The following JAZF1 variants were observed in gnomAD, a reference collection of about 807,000 sequenced individuals.
JAZF1 encodes the protein JAZF zinc finger 1.
In JAZF1, 8 loss-of-function variants were observed where a neutral mutation model predicts 26.4. That is an observed-to-expected ratio of 0.30 (90% confidence interval 0.18 to 0.55). JAZF1 has a LOEUF of 0.55. Among genes scored for constraint, JAZF1 ranks in the 20% least tolerant of loss-of-function variants. The pLI, the probability that JAZF1 is intolerant of heterozygous loss-of-function variation, is 0.94. For synonymous variants in JAZF1, 126 were observed against 122.3 expected (o/e 1.03, Z -0.20); for missense variants, 199 against 322.0 (o/e 0.62, Z 2.92).
intron 1 of JAZF1, among the ~76,000 whole-genome samples, chr7:28,118,630 T>G (rs1384187652): frequency 6.6e-6 from 1 of 152,264 alleles, no homozygotes. Flanking sequence ...CAAATGACTT[T>G]GTATTTCATT....
rs533863855 is a variant in JAZF1 at position 28,180,441 on chromosome 7, C to T, written c.115+22G>A. Reference sequence around the variant, plus strand: ...GGAGTTTCCGCGCGCCTGGCACCCCCGCCCACCCCCGGGCCATTTACCGAT... The same window carrying T: ...GGAGTTTCCGCGCGCCTGGCACCCCTGCCCACCCCCGGGCCATTTACCGAT... On this transcript the variant is annotated intron_variant, in intron 1 of 4. Transcript: ENST00000283928. The T allele has an allele frequency of 4.3e-4, 686 of 1,594,156 alleles. 1 individual carries two copies. The highest frequency in any genetic ancestry group is 5.5e-4 in the Non-Finnish European group (639 of 1,164,988).
In JAZF1 at chr7:27,832,485, A is replaced by G. The variant is rs552171097; in HGVS notation, c.*315T>C. On this transcript the variant is annotated 3_prime_UTR_variant, in exon 5 of 5. Coordinates refer to ENST00000283928, the MANE Select transcript of JAZF1 (RefSeq NM_175061.4). ...CTCCCCCCAGGTTGATACCACCGCA[A>G]TACAATTCAACAATATGCAACATGC... 9.6e-4 allele frequency: 238 copies of G among 248,768 alleles called. No individual in the cohort carries two copies. Among genetic ancestry groups the G allele is most frequent in the African/African-American group, 4.6e-3 (212 of 45,846 alleles). 15.4% of individuals were successfully genotyped at this position (248,768 alleles called of 1,614,324 possible).
Position 27,840,611 on chromosome 7 carries a change from G to C in JAZF1, c.555+87C>G. The C allele has an allele frequency of 7.2e-7, 1 of 1,380,332 alleles. No individual in the cohort carries two copies. The allele number at this position is 1,380,332 out of a possible 1,614,324, so 85.5% of individuals were successfully genotyped here. A position where few individuals can be genotyped will look rare whatever the true frequency, so the allele number is the denominator to read the frequency against. On this transcript the variant is annotated intron_variant, in intron 4 of 4. Transcript: ENST00000283928. The surrounding 1 kb of genome is among the most constrained non-coding windows in gnomAD (Gnocchi z 5.1). ...GTGTCTCCCCCCAGCCCATACGCTC[G>C]CTTTAAAATCAAGAAAGGGCTGCTG...
intron 1 of JAZF1, among the ~76,000 whole-genome samples, chr7:28,142,132 A>G (rs1367771302): frequency 6.6e-6 from 1 of 152,192 alleles, no homozygotes; most frequent in East Asian, 1.9e-4. Flanking sequence ...ATGTTCAAGC[A>G]TTTTTTCCCT....
At chr7:28,174,821 G>GGTGTGGGTGTGTGTGT (rs1783524704) in intron 1 of JAZF1, among the ~76,000 whole-genome samples, 1 of 107,690 alleles carries the variant, frequency 9.3e-6, no homozygotes, top group Non-Finnish European at 2.3e-5. Flanking sequence ...GGGGTGTGTG[G>GGTGTGGGTGTGTGTGT]GTGTGTGTGT....
chr7:28,049,235 A>G (rs1377394629), intron 1 of JAZF1, among the ~76,000 whole-genome samples: 1 of 151,578 alleles, frequency 6.6e-6, no homozygotes, highest in Non-Finnish European at 1.5e-5. Flanking sequence ...GGTGCCCACC[A>G]CCACAGCTGG....
intron 1 of JAZF1, among the ~76,000 whole-genome samples, chr7:28,057,310 T>C (rs1013670851): frequency 6.6e-6 from 1 of 152,212 alleles, no homozygotes; most frequent in Non-Finnish European, 1.5e-5. Context: ...TTTCAGAGAT[T>C]ATCTATTTTA....
At chr7:27,893,867 T>A (rs1412788192) in intron 3 of JAZF1, among the ~76,000 whole-genome samples, 3 of 152,144 alleles carry the variant, frequency 2.0e-5, no homozygotes, top group Non-Finnish European at 4.4e-5. Flanking sequence ...CTGGGCACGC[T>A]CTGCTCAGGG....
intron 2 of JAZF1, among the ~76,000 whole-genome samples, chr7:27,977,644 C>G (rs763896): frequency 0.34 from 51,337 of 152,058 alleles, 9,723 homozygotes; most frequent in Non-Finnish European, 0.44. Context: ...CAGCCATGGA[C>G]TCATGGAGGA....
intron 1 of JAZF1, among the ~76,000 whole-genome samples, chr7:28,083,487 G>A (rs1489136252): frequency 6.6e-6 from 1 of 152,172 alleles, no homozygotes; most frequent in Non-Finnish European, 1.5e-5. Flanking sequence ...CATGCTATGT[G>A]AACTCAGAAA....
At chr7:27,901,504 C>T (rs1447576731) in intron 2 of JAZF1, among the ~76,000 whole-genome samples, 6 of 152,218 alleles carry the variant, frequency 3.9e-5, no homozygotes, top group Admixed American at 6.5e-5. Context: ...TGCCACCTCA[C>T]TCCATGGCCA....
Position 28,045,509 on chromosome 7 carries a change from C to A in JAZF1, c.116-53528G>T, listed in dbSNP as rs145161796. Among the ~76,000 whole-genome samples, 423 of 152,108 alleles carry A rather than the reference C, an allele frequency of 2.8e-3. 3 individuals are homozygous for A. Among genetic ancestry groups the A allele is most frequent in the Admixed American group, 5.2e-3 (79 of 15,266 alleles). On this transcript the variant is annotated intron_variant, in intron 1 of 4. Coordinates refer to ENST00000283928, the MANE Select transcript of JAZF1 (RefSeq NM_175061.4). ...AAGAAACATCTATTGGTTTAGTGGG[C>A]TAGAGAGGATACACAGAATTGTTAA...
chr7:27,947,819 C>CTCA lies in JAZF1; in HGVS notation c.188+44087_188+44089dup, dbSNP rs139021114. Among the ~76,000 whole-genome samples the CTCA allele has an allele frequency of 9.0e-3, 1,367 of 152,310 alleles. 15 individuals are homozygous for CTCA. Among genetic ancestry groups the CTCA allele is most frequent in the Non-Finnish European group, 0.012 (783 of 68,020 alleles). On this transcript the variant is annotated intron_variant, in intron 2 of 4. Coordinates refer to ENST00000283928, the MANE Select transcript of JAZF1 (RefSeq NM_175061.4). ...CTGCCCACTGATTCCCACCTGGCTG[C>CTCA]TCACAGCACCCTTGGCCAGCATTGC...
At chr7:27,870,403 G>A (rs1783559658) in intron 3 of JAZF1, among the ~76,000 whole-genome samples, 1 of 152,068 alleles carries the variant, frequency 6.6e-6, no homozygotes, top group Non-Finnish European at 1.5e-5. Context: ...TCTGCTTTAA[G>A]TTCCAAGTGG....
At chr7:27,846,424 T>C (rs187267176) in intron 3 of JAZF1, 49 of 468,246 alleles carry the variant, frequency 1.0e-4, no homozygotes, top group African/African-American at 9.4e-4. Flanking sequence ...TATACATATA[T>C]ACACACAGAT....
intron 2 of JAZF1, among the ~76,000 whole-genome samples, chr7:27,983,642 T>C (rs1397920867): frequency 6.6e-6 from 1 of 151,928 alleles, no homozygotes; most frequent in African/African-American, 2.4e-5. Context: ...CCAAGACACA[T>C]GATTGTCAGA....
At chr7:27,887,078 T>C (rs2128340531) in intron 3 of JAZF1, among the ~76,000 whole-genome samples, 1 of 152,064 alleles carries the variant, frequency 6.6e-6, no homozygotes, top group African/African-American at 2.4e-5. Context: ...TGAGAATACA[T>C]GGACACATAC....
chr7:28,092,290 CAAAAAAAAAAAAAA>C (rs749913273), intron 1 of JAZF1, among the ~76,000 whole-genome samples: 50 of 12,796 alleles, frequency 3.9e-3, no homozygotes, highest in South Asian at 0.012. Flanking sequence ...GGACAAAAGG[CAAAAAAAAAAAAAA>C]AAAAAAAAAA....
At chr7:28,086,051 T>C (rs1039376439) in intron 1 of JAZF1, among the ~76,000 whole-genome samples, 1 of 152,224 alleles carries the variant, frequency 6.6e-6, no homozygotes, top group African/African-American at 2.4e-5. Context: ...TAACCCACAC[T>C]GGGGTTGTAT....
Sources: allele counts gnomAD v4.1 joint callset (sites outside exome capture counted in the v4.1 genomes callset), GRCh38; gene constraint gnomAD v4.1.1; non-coding constraint Gnocchi (gnomAD v3.1); transcripts MANE v1.5; gene names NCBI Gene and HGNC (gene_info 2026-07-23, HGNC 2026-07-21).